The following CDH18 variants were observed in gnomAD, a reference collection of about 807,000 sequenced individuals.
CDH18 encodes cadherin 18, also known as cadherin-18.
Under a neutral mutation model 67.9 loss-of-function variants are expected in CDH18, and 31 were observed. That is an observed-to-expected ratio of 0.46 (90% CI 0.34 to 0.62). The LOEUF (loss-of-function observed/expected upper bound fraction) is 0.62. Ranked by LOEUF, CDH18 falls within the 20% of genes least tolerant of loss-of-function variation. The probability of loss-of-function intolerance (pLI) is 0.01; values close to 1 mark genes in which losing one functional copy is unlikely to be tolerated. For synonymous variants in CDH18, 362 were observed against 347.2 expected (o/e 1.04, Z -0.48); for missense variants, 890 against 975.5 (o/e 0.91, Z 1.17).
intron 2 of CDH18, among the ~76,000 whole-genome samples, chr5:20,105,413 T>C (rs112927166): frequency 0.021 from 3,163 of 152,322 alleles, 114 homozygotes; most frequent in African/African-American, 0.069. Flanking sequence ...GTTGTACACG[T>C]AATATTTCCA....
chr5:19,585,263 C>A (rs978711220), intron 7 of CDH18, among the ~76,000 whole-genome samples: 1 of 152,132 alleles, frequency 6.6e-6, no homozygotes, highest in Non-Finnish European at 1.5e-5. Flanking sequence ...GATATGTGCA[C>A]CGTCCTTAAT....
At chr5:19,599,357 T>C (rs924652701) in intron 6 of CDH18, among the ~76,000 whole-genome samples, 1 of 152,178 alleles carries the variant, frequency 6.6e-6, no homozygotes, top group African/African-American at 2.4e-5. Flanking sequence ...TCATTTAACA[T>C]GTATTTTCAA....
chr5:19,483,204 A>G, intron 12 of CDH18, 97 bp downstream of exon 12: 1 of 1,193,418 alleles, frequency 8.4e-7, no homozygotes, highest in Non-Finnish European at 1.2e-6. Flanking sequence ...CTGTTTCCTT[A>G]CCCACATTAT....
intron 1 of CDH18, among the ~76,000 whole-genome samples, chr5:20,425,298 G>C (rs1748209528): frequency 6.6e-6 from 1 of 150,744 alleles, no homozygotes; most frequent in Non-Finnish European, 1.5e-5. Context: ...TTCAACATGG[G>C]AGGTGGAGGT....
At chr5:20,038,678 T>C (rs972484152) in intron 2 of CDH18, among the ~76,000 whole-genome samples, 3 of 152,162 alleles carry the variant, frequency 2.0e-5, no homozygotes, top group African/African-American at 7.2e-5. Flanking sequence ...AAACTAGGTA[T>C]TGATGAAATG....
intron 2 of CDH18, among the ~76,000 whole-genome samples, chr5:20,096,944 T>C (rs1746038860): frequency 6.6e-6 from 1 of 152,166 alleles, no homozygotes; most frequent in African/African-American, 2.4e-5. Flanking sequence ...ATCTCTTGCA[T>C]AGCATAGATG....
At chr5:20,317,824 G>A (rs1450840951) in intron 1 of CDH18, among the ~76,000 whole-genome samples, 1 of 152,142 alleles carries the variant, frequency 6.6e-6, no homozygotes, top group East Asian at 1.9e-4. Context: ...CTCCCAGAGG[G>A]ATGATTAGAA....
chr5:20,085,293 C>A (rs1234623564), intron 2 of CDH18, among the ~76,000 whole-genome samples: 1 of 152,120 alleles, frequency 6.6e-6, no homozygotes, highest in Admixed American at 6.5e-5. Flanking sequence ...CACCTTTGCT[C>A]CAGTTCCCAC....
intron 7 of CDH18, among the ~76,000 whole-genome samples, chr5:19,575,066 T>G (rs1742101056): frequency 6.6e-6 from 1 of 151,970 alleles, no homozygotes. Context: ...AAACAAACCA[T>G]ATCACTGATG....
chr5:19,812,785 G>C (rs1347961527), intron 3 of CDH18, among the ~76,000 whole-genome samples: 1 of 151,980 alleles, frequency 6.6e-6, no homozygotes, highest in Non-Finnish European at 1.5e-5. Context: ...TCTAGAACCA[G>C]AAATAGCATT....
intron 1 of CDH18, among the ~76,000 whole-genome samples, chr5:20,311,291 A>G (rs1236409790): frequency 2.0e-5 from 3 of 151,200 alleles, no homozygotes; most frequent in African/African-American, 7.4e-5. Context: ...CAATCCCATT[A>G]CTGGGTATAT....
intron 3 of CDH18, among the ~76,000 whole-genome samples, chr5:19,835,963 G>A (rs1781577124): frequency 6.6e-6 from 1 of 152,044 alleles, no homozygotes; most frequent in Admixed American, 6.6e-5. Context: ...ATGTTCATTG[G>A]CACCATATGT....
At chr5:20,172,217 T>C (rs1167929399) in intron 2 of CDH18, among the ~76,000 whole-genome samples, 5 of 80,052 alleles carry the variant, frequency 6.2e-5, no homozygotes, top group African/African-American at 2.3e-4. Flanking sequence ...TATATATATA[T>C]ATATATGTAT....
chr5:19,804,524 G>C (rs1016594360), intron 3 of CDH18, among the ~76,000 whole-genome samples: 1 of 152,028 alleles, frequency 6.6e-6, no homozygotes, highest in African/African-American at 2.4e-5. Flanking sequence ...CAAATTATTT[G>C]TATCTCTGAT....
intron 1 of CDH18, among the ~76,000 whole-genome samples, chr5:20,296,554 C>T (rs1246597148): frequency 6.6e-6 from 1 of 152,166 alleles, no homozygotes; most frequent in Non-Finnish European, 1.5e-5. Flanking sequence ...AGCCACCGCC[C>T]CCGGCCCACT....
At chr5:19,750,458 C>T (rs542735430) in intron 3 of CDH18, among the ~76,000 whole-genome samples, 179 of 152,052 alleles carry the variant, frequency 1.2e-3, no homozygotes, top group South Asian at 2.1e-3. Context: ...ACACAGAAAA[C>T]TTGACAAATG....
At chr5:20,304,207 T>C (rs1736207143) in intron 1 of CDH18, 4 of 1,499,002 alleles carry the variant, frequency 2.7e-6, no homozygotes, top group Non-Finnish European at 3.7e-6. Context: ...TTGGCGTACG[T>C]GGCATATTGG....
intron 5 of CDH18, among the ~76,000 whole-genome samples, chr5:19,715,174 A>G (rs1316869426): frequency 6.6e-6 from 1 of 152,130 alleles, no homozygotes; most frequent in Non-Finnish European, 1.5e-5. Flanking sequence ...CCTAGACTTA[A>G]TATTTTTCCT....
intron 2 of CDH18, among the ~76,000 whole-genome samples, chr5:20,209,425 T>C (rs766340737): frequency 2.0e-5 from 3 of 152,014 alleles, no homozygotes; most frequent in Non-Finnish European, 2.9e-5. Flanking sequence ...AGACATAAAA[T>C]AGTGAAATCC....
Sources: allele counts gnomAD v4.1 joint callset (sites outside exome capture counted in the v4.1 genomes callset), GRCh38; gene constraint gnomAD v4.1.1; transcripts MANE v1.5; gene names NCBI Gene and HGNC (gene_info 2026-07-23, HGNC 2026-07-21).